The following CCDC102A variants were observed in gnomAD, a reference collection of about 807,000 sequenced individuals.
CCDC102A encodes the protein coiled-coil domain containing 102A, also known as coiled-coil domain-containing protein 102A.
Under a neutral mutation model 55.5 loss-of-function variants are expected in CCDC102A, and 40 were observed. The observed-to-expected ratio is 0.72, with a 90% CI of 0.56 to 0.94. The LOEUF is 0.94. Ranked by LOEUF, CCDC102A falls within the 40% of genes least tolerant of loss-of-function variation. The pLI is 0.00. For missense variants in CCDC102A, 779 were observed against 768.6 expected, an observed-to-expected ratio of 1.01 and a Z score of -0.16; for synonymous variants, 323 against 339.0, an observed-to-expected ratio of 0.95 and a Z score of 0.52.
intron 1 of CCDC102A, among the ~76,000 whole-genome samples, chr16:57,536,063 C>T (rs1389965911): frequency 6.6e-6 from 1 of 152,210 alleles, no homozygotes; most frequent in African/African-American, 2.4e-5. Flanking sequence ...CCCGCCCACC[C>T]CACCGCATGG....
intron 1 of CCDC102A, among the ~76,000 whole-genome samples, chr16:57,530,643 C>G (rs2032239627): frequency 6.6e-6 from 1 of 152,210 alleles, no homozygotes; most frequent in East Asian, 1.9e-4. Flanking sequence ...CGGCCCCCTC[C>G]TCTCTGCCCC....
rs2146697583 is a variant in CCDC102A at position 57,515,359 on chromosome 16, A to G, written c.1505T>C (p.Leu502Pro). The G allele has an allele frequency of 6.3e-7, 1 of 1,599,690 alleles. No individual in the cohort carries two copies. Among genetic ancestry groups the G allele is most frequent in the Non-Finnish European group, 8.5e-7 (1 of 1,172,018 alleles). Residue 502 changes from leucine to proline, a missense_variant, in exon 8 of 9, where the codon CTG becomes CCG. Transcript: ENST00000258214. The stretch of plus-strand genomic sequence containing the variant: ...GGCCCACCTGGACTGCAGGTGCTCC[A>G]GTTGCACTTGCAGGTTCTCGCTCTG... ...TEQSENLQVQ[L>P]EHLQSRLRRQ...
chr16:57,526,055 G>C lies in CCDC102A; in HGVS notation c.658C>G (p.Leu220Val). 6.3e-7 allele frequency: 1 copy of C among 1,592,554 alleles called. No individual in the cohort carries two copies. Among genetic ancestry groups the C allele is most frequent in the East Asian group, 2.3e-5 (1 of 44,398 alleles). Residue 220 changes from leucine (L) to valine (V), a missense_variant, in exon 3 of 9, where the codon CTG becomes GTG. Coordinates refer to ENST00000258214, the MANE Select transcript of CCDC102A (RefSeq NM_033212.4). ...CTGCCCCGCGGGCCCCCAGCCCCCA[G>C]GCTGCGCGCCTCCCAGCAGTCCTCA... ...ESEDCWEARS[L>V]GAGGPRGSSG...
rs1424663615 is a variant in CCDC102A at position 57,512,536 on chromosome 16, G to GTATA, written c.*201_*204dup. 8.8e-6 allele frequency: 5 copies of GTATA among 567,034 alleles called. No individual in the cohort carries two copies. Among genetic ancestry groups the GTATA allele is most frequent in the East Asian group, 6.0e-5 (2 of 33,374 alleles). 35.1% of individuals were successfully genotyped at this position (567,034 alleles called of 1,614,324 possible). On this transcript the variant is annotated 3_prime_UTR_variant, in exon 9 of 9. Coordinates refer to ENST00000258214, the MANE Select transcript of CCDC102A (RefSeq NM_033212.4). ...TGTGCGCGCGCGCGCGCGCGTGTGTGTATATATATATATAAAACATAGGCT... is the reference window on the plus strand; with the variant it reads ...TGTGCGCGCGCGCGCGCGCGTGTGTGTATATATATATATATATAAAACATAGGCT...
chr16:57,525,548 A>G (rs572989295), intron 3 of CCDC102A, among the ~76,000 whole-genome samples: 102 of 152,272 alleles, frequency 6.7e-4, no homozygotes, highest in African/African-American at 2.3e-3. Flanking sequence ...CCAAGGTCCC[A>G]GCTGCAACCT....
At chr16:57,521,541 C>T (rs1273127634) in intron 3 of CCDC102A, among the ~76,000 whole-genome samples, 1 of 152,200 alleles carries the variant, frequency 6.6e-6, no homozygotes, top group Non-Finnish European at 1.5e-5. Flanking sequence ...CCACCTTGTT[C>T]TTCTCGAAGA....
In CCDC102A at chr16:57,512,578, T is replaced by C; in HGVS notation, c.*163A>G. On this transcript the variant is annotated 3_prime_UTR_variant, in exon 9 of 9. Transcript: ENST00000258214. ...ACATAGGCTTCCTTTCCACAGGGCG[T>C]TGGTAGGTGGGACTGTTGACGCCAT... 1.3e-6 allele frequency: 1 copy of C among 759,480 alleles called. No individual in the cohort carries two copies. The highest frequency in any genetic ancestry group is 2.1e-6 in the Non-Finnish European group (1 of 471,836). The allele number at this position is 759,480 out of a possible 1,614,324, so 47.0% of individuals were successfully genotyped here. A position where few individuals can be genotyped will look rare whatever the true frequency, so the allele number is the denominator to read the frequency against.
chr16:57,531,054 G>C (rs1403171946), intron 1 of CCDC102A, among the ~76,000 whole-genome samples: 1 of 151,400 alleles, frequency 6.6e-6, no homozygotes, highest in Non-Finnish European at 1.5e-5. Flanking sequence ...GGCTGTCATC[G>C]GGCCCTGGGC....
At chr16:57,525,188 C>T (rs548561100) in intron 3 of CCDC102A, among the ~76,000 whole-genome samples, 234 of 152,230 alleles carry the variant, frequency 1.5e-3, no homozygotes, top group African/African-American at 5.3e-3. Context: ...CTCCACCTCC[C>T]GGCTTCAAGC....
intron 1 of CCDC102A, among the ~76,000 whole-genome samples, chr16:57,533,418 C>T (rs1023805725): frequency 6.6e-6 from 1 of 151,978 alleles, no homozygotes; most frequent in Non-Finnish European, 1.5e-5. Context: ...CCTACCCTGC[C>T]CCACTCATAC....
chr16:57,518,153 G>A lies in CCDC102A; in HGVS notation c.1163C>T (p.Ala388Val), dbSNP rs376490380. The A allele has an allele frequency of 2.0e-5, 33 of 1,611,432 alleles. No homozygotes were observed. Among genetic ancestry groups the A allele is most frequent in the Admixed American group, 5.0e-5 (3 of 60,004 alleles). Residue 388 changes from alanine (A) to valine (V), a missense_variant, in exon 6 of 9, where the codon GCG (alanine) becomes GTG (valine). Ala to Val is a moderately conservative substitution (Grantham distance 64, BLOSUM62 0). Coordinates refer to ENST00000258214, the MANE Select transcript of CCDC102A (RefSeq NM_033212.4). The stretch of plus-strand genomic sequence containing the variant: ...TGTTTGCCGCCGCCGCCGGGCCAGC[G>A]CCTCCTCCAGGTCTCCGACCTGTGC... ...LRAQVGDLEE[A>V]LARRRRQTAS...
intron 8 of CCDC102A, among the ~76,000 whole-genome samples, chr16:57,513,403 A>AC (rs1186802587): frequency 6.6e-6 from 1 of 151,966 alleles, no homozygotes; most frequent in Non-Finnish European, 1.5e-5. Context: ...CCCTCCCCCA[A>AC]CCCCCCAGCA....
In CCDC102A at chr16:57,518,176, T is replaced by C. The variant is rs28756858; in HGVS notation, c.1140A>G (p.Ala380=). The stretch of plus-strand genomic sequence containing the variant: ...GCGCCTCCTCCAGGTCTCCGACCTG[T>C]GCCCGCAGCTTCTTGTTCTCCCGCT... ...GLERENKKLR[A]QVGDLEEALA... Residue 380 remains alanine (A), a synonymous_variant, in exon 6 of 9, where the codon GCA becomes GCG. Transcript: ENST00000258214. 0.23 allele frequency: 373,164 copies of C among 1,612,210 alleles called. 46,111 individuals are homozygous for C. Among genetic ancestry groups the C allele is most frequent in the African/African-American group, 0.39 (29,457 of 75,016 alleles).
intron 1 of CCDC102A, among the ~76,000 whole-genome samples, chr16:57,530,480 A>G (rs2032236245): frequency 6.6e-6 from 1 of 152,094 alleles, no homozygotes; most frequent in Non-Finnish European, 1.5e-5. Flanking sequence ...TGATCAGTGT[A>G]CTGTCGGTGG....
chr16:57,517,488 A>G (rs1217352964), intron 6 of CCDC102A, among the ~76,000 whole-genome samples: 1 of 152,152 alleles, frequency 6.6e-6, no homozygotes, highest in African/African-American at 2.4e-5. Context: ...CTGGGATTAC[A>G]GGTGCCCACA....
At chr16:57,532,104 G>T (rs1351212483) in intron 1 of CCDC102A, among the ~76,000 whole-genome samples, 1 of 152,174 alleles carries the variant, frequency 6.6e-6, no homozygotes, top group East Asian at 1.9e-4. Context: ...CCCATGTGTA[G>T]AAGGGGGGAT....
chr16:57,536,881 G>C (rs2032406081), upstream of CCDC102A, among the ~76,000 whole-genome samples: 1 of 152,158 alleles, frequency 6.6e-6, no homozygotes, highest in Admixed American at 6.5e-5. Flanking sequence ...CTACGTACTA[G>C]GCGCCCCCAG....
At chr16:57,532,822 G>C (rs1301763144) in intron 1 of CCDC102A, among the ~76,000 whole-genome samples, 1 of 152,218 alleles carries the variant, frequency 6.6e-6, no homozygotes, top group Non-Finnish European at 1.5e-5. Flanking sequence ...AGAGCCTGTG[G>C]GGGGAGGGGA....
At chr16:57,528,493 G>T (rs2032182781) in intron 2 of CCDC102A, 100 bp downstream of exon 2, 2 of 868,434 alleles carry the variant, frequency 2.3e-6, no homozygotes, top group Admixed American at 5.7e-5. Flanking sequence ...CCTCCAGGAG[G>T]CCAGGCCTTT....
Sources: gnomAD v4.1 joint callset for allele counts (sites outside exome capture counted in the v4.1 genomes callset) on GRCh38, gnomAD v4.1.1 for gene constraint, MANE v1.5 for transcripts, NCBI Gene and HGNC (gene_info 2026-07-23, HGNC 2026-07-21) for gene names.